Variants in CNBD1 observed in about 807,000 individuals in gnomAD.
The protein encoded by CNBD1 is cyclic nucleotide binding domain containing 1, also known as cyclic nucleotide-binding domain-containing protein 1.
In CNBD1, 71 loss-of-function variants were observed where a neutral mutation model predicts 54.4. That is an observed-to-expected ratio of 1.30 (90% CI 1.08 to 1.59). The LOEUF (loss-of-function observed/expected upper bound fraction) is 1.59. Ranked by LOEUF, CNBD1 falls within the 40% of genes most tolerant of loss-of-function variation. The pLI is 0.00. For missense variants in CNBD1, 659 were observed against 518.0 expected, an observed-to-expected ratio of 1.27 and a Z score of -2.64; for synonymous variants, 182 against 170.7, an observed-to-expected ratio of 1.07 and a Z score of -0.51.
At chr8:87,200,743 A>G (rs1434019953) in intron 4 of CNBD1, among the ~76,000 whole-genome samples, 3 of 152,158 alleles carry the variant, frequency 2.0e-5, no homozygotes, top group Non-Finnish European at 2.9e-5. Flanking sequence ...AACCTATAAC[A>G]AAGATTAAAT....
chr8:87,277,175 G>A (rs138398957), intron 6 of CNBD1, among the ~76,000 whole-genome samples: 2 of 151,636 alleles, frequency 1.3e-5, no homozygotes, highest in South Asian at 2.1e-4. Flanking sequence ...ATCTGCAGAG[G>A]TGATGTCCAA....
chr8:86,910,594 T>C (rs1354572608), intron 3 of CNBD1, among the ~76,000 whole-genome samples: 8 of 152,178 alleles, frequency 5.3e-5, no homozygotes, highest in African/African-American at 9.7e-5. Context: ...AATTGCTACA[T>C]TGTTTACTTC....
chr8:86,891,840 A>G (rs1808773242), intron 2 of CNBD1, among the ~76,000 whole-genome samples: 1 of 152,094 alleles, frequency 6.6e-6, no homozygotes, highest in Non-Finnish European at 1.5e-5. Flanking sequence ...TATAGTAAAT[A>G]GAATTATTTT....
intron 4 of CNBD1, among the ~76,000 whole-genome samples, chr8:87,051,532 T>G (rs1420770480): frequency 6.6e-6 from 1 of 152,212 alleles, no homozygotes; most frequent in Non-Finnish European, 1.5e-5. Context: ...ACGTATTTAT[T>G]AACAGCAAGC....
intron 2 of CNBD1, among the ~76,000 whole-genome samples, chr8:87,418,451 C>T (rs1807871724): frequency 6.6e-6 from 1 of 151,850 alleles, no homozygotes; most frequent in South Asian, 2.1e-4. Flanking sequence ...TTGCACTAGG[C>T]AATGGTTTCC....
chr8:86,988,343 T>A (rs1448207469), intron 4 of CNBD1, among the ~76,000 whole-genome samples: 33 of 152,070 alleles, frequency 2.2e-4, no homozygotes, highest in Admixed American at 2.1e-3. Context: ...TGGGATCAGT[T>A]ATAATGTCAC....
chr8:87,230,322 A>G (rs12541527), intron 5 of CNBD1, among the ~76,000 whole-genome samples: 19,582 of 152,210 alleles, frequency 0.13, 1,608 homozygotes, highest in South Asian at 0.21. Flanking sequence ...GATCCAAACC[A>G]TATCGAATGG....
chr8:87,254,906 G>GTAAGTAAAAAAA (rs1807981131), intron 6 of CNBD1, among the ~76,000 whole-genome samples: 4 of 152,240 alleles, frequency 2.6e-5, no homozygotes, highest in Admixed American at 2.0e-4. Context: ...AAATTAAAAA[G>GTAAGTAAAAAAA]AAAGTAAAAG....
intron 5 of CNBD1, among the ~76,000 whole-genome samples, chr8:87,225,907 A>C (rs533616856): frequency 0.02 from 2,954 of 149,586 alleles, 93 homozygotes; most frequent in African/African-American, 0.064. Context: ...GATTATTGCC[A>C]CAATTTCAGC....
downstream of CNBD1, among the ~76,000 whole-genome samples, chr8:87,383,130 T>C (rs1052540662): frequency 1.3e-5 from 2 of 152,068 alleles, no homozygotes; most frequent in Admixed American, 6.6e-5. Context: ...TTCAAAGACC[T>C]TGTGCTTTTT....
chr8:87,102,184 G>A (rs1326783076), intron 4 of CNBD1, among the ~76,000 whole-genome samples: 1 of 152,146 alleles, frequency 6.6e-6, no homozygotes, highest in Non-Finnish European at 1.5e-5. Context: ...ACTTCGTCCG[G>A]CCCAGAATTT....
chr8:87,404,737 G>A lies in CNBD1; in HGVS notation c.214-23809G>A, dbSNP rs118107511. On this transcript the variant is annotated intron_variant, in intron 2 of 7. Coordinates refer to the CNBD1 transcript ENST00000521593. Reference sequence around the variant, plus strand: ...TGGAAATCCTCATATTCTCTTTCCAGTATGTAAGGATATTAGCAAATAACT... The same window carrying A: ...TGGAAATCCTCATATTCTCTTTCCAATATGTAAGGATATTAGCAAATAACT... Among the ~76,000 whole-genome samples, 940 of 152,172 alleles carry A rather than the reference G, an allele frequency of 6.2e-3. 8 individuals carry two copies. Among genetic ancestry groups the A allele is most frequent in the South Asian group, 0.019 (93 of 4,826 alleles).
chr8:87,221,176 T>TCA (rs1814328580), intron 5 of CNBD1, among the ~76,000 whole-genome samples: 1 of 152,162 alleles, frequency 6.6e-6, no homozygotes, highest in Non-Finnish European at 1.5e-5. Flanking sequence ...AAGTTGTCTA[T>TCA]GAGATGCTTC....
intron 4 of CNBD1, among the ~76,000 whole-genome samples, chr8:87,133,355 C>T (rs185414549): frequency 1.3e-5 from 2 of 152,074 alleles, no homozygotes; most frequent in Admixed American, 1.3e-4. Context: ...AGTCATTTGC[C>T]TGTGTTTCTA....
intron 1 of CNBD1, among the ~76,000 whole-genome samples, chr8:86,887,128 T>C (rs1282460455): frequency 1.3e-5 from 2 of 152,118 alleles, no homozygotes; most frequent in South Asian, 4.1e-4. Flanking sequence ...ATAAGTAGGA[T>C]TGAATCGAAG....
rs150824319 is a variant in CNBD1, at chr8:87,377,170, A to G, written c.1304-5450A>G. 6.4e-3 allele frequency among the ~76,000 whole-genome samples: 952 copies of G among 149,554 alleles called. 11 individuals are homozygous for G. Among genetic ancestry groups the G allele is most frequent in the African/African-American group, 0.022 (907 of 40,614 alleles). On this transcript the variant is annotated intron_variant, in intron 10 of 10. Transcript: ENST00000518476. The stretch of plus-strand genomic sequence containing the variant: ...TGATTATTATTTATATTATTATTAT[A>G]CTTTAAGTTTTACGGTACATGTGCA...
At chr8:87,404,792 C>T (rs7834522) in intron 2 of CNBD1, among the ~76,000 whole-genome samples, 86,010 of 151,884 alleles carry the variant, frequency 0.57, 25,857 homozygotes, top group African/African-American at 0.77. Context: ...AGATCTTCTG[C>T]TACTAGTCAG....
intron 3 of CNBD1, among the ~76,000 whole-genome samples, chr8:86,921,265 A>G (rs1291252243): frequency 1.3e-5 from 2 of 152,182 alleles, no homozygotes; most frequent in African/African-American, 4.8e-5. Flanking sequence ...ATTAGAATAA[A>G]TGAAATTATT....
chr8:87,334,027 G>A (rs1212680527), intron 8 of CNBD1, among the ~76,000 whole-genome samples: 7 of 151,922 alleles, frequency 4.6e-5, no homozygotes, highest in East Asian at 1.9e-4. Flanking sequence ...TTTTTTGGTC[G>A]GTAGGCTGTT....
Sources: gnomAD v4.1 joint callset for allele counts (sites outside exome capture counted in the v4.1 genomes callset) on GRCh38, gnomAD v4.1.1 for gene constraint, MANE v1.5 for transcripts, NCBI Gene and HGNC (gene_info 2026-07-23, HGNC 2026-07-21) for gene names.